The following ZW10 variants were observed in gnomAD, a reference collection of about 807,000 sequenced individuals.
ZW10 encodes the protein centromere/kinetochore protein zw10 homolog.
ZW10 carries 53 observed loss-of-function variants against 87.8 expected under a neutral mutation model. The observed-to-expected ratio is 0.60, with a 90% CI of 0.48 to 0.76. The LOEUF (loss-of-function observed/expected upper bound fraction) is 0.76. ZW10 is among the 30% of genes least tolerant of loss of function. The probability of loss-of-function intolerance (pLI) is 0.00; values close to 1 mark genes in which losing one functional copy is unlikely to be tolerated. For synonymous variants in ZW10, 312 were observed against 329.2 expected, an observed-to-expected ratio of 0.95 and a Z score of 0.57; for missense variants, 837 against 923.0, an observed-to-expected ratio of 0.91 and a Z score of 1.21.
chr11:113,754,461 G>C (rs144121118), intron 7 of ZW10, among the ~76,000 whole-genome samples: 2 of 152,084 alleles, frequency 1.3e-5, no homozygotes, highest in African/African-American at 4.8e-5. Context: ...CTCCAGCCTG[G>C]GCAACAGAGT....
intron 6 of ZW10, among the ~76,000 whole-genome samples, chr11:113,758,206 C>CA (rs141700450): frequency 0.26 from 38,329 of 148,756 alleles, 4,894 homozygotes; most frequent in Middle Eastern, 0.37. Flanking sequence ...GTAAGCATGT[C>CA]AAAAAAAAAA....
intron 9 of ZW10, among the ~76,000 whole-genome samples, chr11:113,744,878 G>GA (rs1229102329): frequency 6.6e-6 from 1 of 152,096 alleles, no homozygotes; most frequent in African/African-American, 2.4e-5. Flanking sequence ...AATCTTGGCT[G>GA]AAATAGCAAA....
chr11:113,747,438 G>T, intron 9 of ZW10, 93 bp downstream of exon 9: 4 of 1,175,520 alleles, frequency 3.4e-6, no homozygotes, highest in Non-Finnish European at 3.6e-6. Context: ...CTCAACAACC[G>T]TCATCCTCTC....
chr11:113,754,753 G>A (rs1452376801), intron 7 of ZW10, among the ~76,000 whole-genome samples: 1 of 151,994 alleles, frequency 6.6e-6, no homozygotes, highest in Non-Finnish European at 1.5e-5. Context: ...CACTATGCCT[G>A]GCTAATTTTT....
chr11:113,740,004 C>T (rs187888093), intron 11 of ZW10, among the ~76,000 whole-genome samples: 8 of 152,176 alleles, frequency 5.3e-5, no homozygotes, highest in African/African-American at 1.9e-4. Flanking sequence ...TCTTATCTAC[C>T]CAGCTTGGGA....
At chr11:113,760,759 T>A (rs1428333299) in intron 3 of ZW10, 58 bp downstream of exon 3, 1 of 1,432,388 alleles carries the variant, frequency 7.0e-7, no homozygotes, top group Non-Finnish European at 9.6e-7. Context: ...GAGATAGCCA[T>A]TGACTAATGA....
At position 113,744,055 on chromosome 11, in the gene ZW10, C is replaced by A. The variant is rs367708921; in HGVS notation, c.1273-15G>T. The stretch of plus-strand genomic sequence containing the variant: ...TCAGGAATAATCTAAGATTCAAACA[C>A]AAAAATACAGAAAATATATTGTTTT... On this transcript the variant is annotated splice_polypyrimidine_tract_variant and intron_variant, in intron 9 of 15. Coordinates refer to ENST00000200135, the MANE Select transcript of ZW10 (RefSeq NM_004724.4). 3 of 1,564,720 alleles carry A rather than the reference C, an allele frequency of 1.9e-6. No homozygotes were observed. Among genetic ancestry groups the A allele is most frequent in the Non-Finnish European group, 8.8e-7 (1 of 1,137,570 alleles).
In ZW10 at chr11:113,743,878, T is replaced by C. The variant is rs1953650658; in HGVS notation, c.1435A>G (p.Ile479Val). The C allele has an allele frequency of 6.2e-7, 1 of 1,614,212 alleles. No individual in the cohort carries two copies. The highest frequency in any genetic ancestry group is 8.5e-7 in the Non-Finnish European group (1 of 1,180,030). ...ATTAATTTCTTCACAGACTCACTGA[T>C]ACGGCATGTGGGCAAGGAAAAGGAA... ...QHSFSLPTCRISESVKKLMEL... is the reference protein window; with the variant it reads ...QHSFSLPTCRVSESVKKLMEL... Residue 479 changes from isoleucine (I) to valine (V), a missense_variant, in exon 10 of 16, where the codon ATC becomes GTC. Physicochemically the swap from Ile to Val is conservative, Grantham distance 29 (BLOSUM62 3). Coordinates refer to ENST00000200135, the MANE Select transcript of ZW10 (RefSeq NM_004724.4).
chr11:113,744,740 G>A (rs143205738), intron 9 of ZW10, among the ~76,000 whole-genome samples: 301 of 152,184 alleles, frequency 2.0e-3, no homozygotes, highest in African/African-American at 6.6e-3. Flanking sequence ...ATTTTTAGTA[G>A]AGAAAAGGTC....
intron 5 of ZW10, among the ~76,000 whole-genome samples, chr11:113,758,968 G>C (rs1953829013): frequency 6.6e-6 from 1 of 152,158 alleles, no homozygotes; most frequent in Non-Finnish European, 1.5e-5. Context: ...GAGCCCAGGA[G>C]TTCAAGACCA....
chr11:113,739,509 A>G lies in ZW10; in HGVS notation c.1584-127T>C, dbSNP rs115254198. On this transcript the variant is annotated intron_variant, in intron 11 of 15. Coordinates refer to ENST00000200135, the MANE Select transcript of ZW10 (RefSeq NM_004724.4). ...ACTGTCTAGTTTCTAAATGCTATACATAACAAGATACAATCTCATCACTCC... is the reference window on the plus strand; with the variant it reads ...ACTGTCTAGTTTCTAAATGCTATACGTAACAAGATACAATCTCATCACTCC... The G allele has an allele frequency of 1.7e-3, 1,329 of 795,696 alleles. 16 individuals carry two copies. The African/African-American group carries it at 0.021, about 13-fold the overall frequency. 49.3% of individuals were successfully genotyped at this position (795,696 alleles called of 1,614,324 possible). A position where few individuals can be genotyped will look rare whatever the true frequency, so the allele number is the denominator to read the frequency against.
At chr11:113,769,385 T>C (rs1953941007) in intron 1 of ZW10, among the ~76,000 whole-genome samples, 1 of 152,258 alleles carries the variant, frequency 6.6e-6, no homozygotes, top group African/African-American at 2.4e-5. Context: ...ATTTTAATCA[T>C]AAATCTAATA....
At chr11:113,763,678 T>A (rs1953885225) in intron 2 of ZW10, among the ~76,000 whole-genome samples, 1 of 152,238 alleles carries the variant, frequency 6.6e-6, no homozygotes, top group Admixed American at 6.5e-5. Flanking sequence ...GAAGTGTCTG[T>A]TAATATCCTT....
At chr11:113,769,060 G>A (rs1953936435) in intron 1 of ZW10, 93 bp from the exon 2 acceptor site, 9 of 1,365,930 alleles carry the variant, frequency 6.6e-6, no homozygotes, top group Non-Finnish European at 9.1e-6. Flanking sequence ...CATTTTCCAT[G>A]TTAGAACCTT....
At chr11:113,762,111 A>C (rs1953866263) in intron 2 of ZW10, among the ~76,000 whole-genome samples, 1 of 152,232 alleles carries the variant, frequency 6.6e-6, no homozygotes, top group African/African-American at 2.4e-5. Context: ...TCATGCAAAC[A>C]TCACAGAGTG....
At chr11:113,745,092 T>C (rs1032465998) in intron 9 of ZW10, among the ~76,000 whole-genome samples, 26 of 136,842 alleles carry the variant, frequency 1.9e-4, no homozygotes, top group Middle Eastern at 3.3e-3. Flanking sequence ...ATCCTCCCCT[T>C]ATTAAAAAAA....
At chr11:113,766,155 AAACCCAGAAGTTCGAGACCAGCC>A (rs1473765104) in intron 2 of ZW10, among the ~76,000 whole-genome samples, 2 of 151,196 alleles carry the variant, frequency 1.3e-5, no homozygotes, top group African/African-American at 2.4e-5. Context: ...AGAATCACTT[AAACCCAGAAGTTCGAGACCAGCC>A]TGGGCAACAT....
Position 113,736,727 on chromosome 11 carries a change from G to A in ZW10, c.2112C>T (p.Ser704=). ...CCTCTTCTTGATATTTCTTGTTCTT[G>A]CTTTCTTCAGATAAAGGTGCAAATA... ...PQVFAPLSEE[S]KNKKYQEEVP... is the part of the protein sequence containing the mutation. Residue 704 remains serine (S), a synonymous_variant, in exon 15 of 16, where the codon AGC becomes AGT. Transcript: ENST00000200135. The A allele has an allele frequency of 1.2e-6, 2 of 1,614,078 alleles. No homozygotes were observed.
chr11:113,745,648 A>G (rs1367572390), intron 9 of ZW10, among the ~76,000 whole-genome samples: 3 of 152,328 alleles, frequency 2.0e-5, no homozygotes, highest in Non-Finnish European at 4.4e-5. Flanking sequence ...GATACATAAG[A>G]TTCGAAAAGG....
Sources: gnomAD v4.1 joint callset for allele counts (sites outside exome capture counted in the v4.1 genomes callset) on GRCh38, gnomAD v4.1.1 for gene constraint, MANE v1.5 for transcripts, NCBI Gene and HGNC (gene_info 2026-07-23, HGNC 2026-07-21) for gene names.